The following SEMA6D variants were observed in gnomAD, a reference collection of about 807,000 sequenced individuals.
SEMA6D encodes semaphorin 6D.
In SEMA6D, 35 loss-of-function variants were observed where a neutral mutation model predicts 106.6. The observed-to-expected ratio is 0.33, with a 90% CI of 0.25 to 0.44. The LOEUF is 0.44. Among genes scored for constraint, SEMA6D ranks in the 20% least tolerant of loss-of-function variants. The probability of loss-of-function intolerance (pLI) is 1.00; values close to 1 mark genes in which losing one functional copy is unlikely to be tolerated. For synonymous variants in SEMA6D, 499 were observed against 487.7 expected (o/e 1.02, Z -0.31); for missense variants, 1,185 against 1,345.9 (o/e 0.88, Z 1.87).
At position 47,732,834 on chromosome 15, in the gene SEMA6D, A is replaced by C. The variant is rs117469894; in HGVS notation, c.-55+15142A>C. 5.9e-3 allele frequency among the ~76,000 whole-genome samples: 897 copies of C among 152,340 alleles called. 6 individuals are homozygous for C. Among genetic ancestry groups the C allele is most frequent in the Admixed American group, 0.02 (312 of 15,302 alleles). On this transcript the variant is annotated intron_variant, in intron 1 of 18. Transcript: ENST00000536845. ...GACACTGCAAGAAAATGCTACAAAA[A>C]TGTAGGCAGGATTCATAAAACGACT...
intron 2 of SEMA6D, among the ~76,000 whole-genome samples, chr15:47,455,464 G>A (rs924164678): frequency 6.6e-6 from 1 of 151,918 alleles, no homozygotes; most frequent in Non-Finnish European, 1.5e-5. Context: ...TCCACACTAG[G>A]TGATAGGAAT....
intron 1 of SEMA6D, among the ~76,000 whole-genome samples, chr15:47,365,993 T>C (rs2039015182): frequency 6.6e-6 from 1 of 152,168 alleles, no homozygotes; most frequent in African/African-American, 2.4e-5. Flanking sequence ...ACCACGTTTT[T>C]TTCCAGAGCA....
intron 3 of SEMA6D, among the ~76,000 whole-genome samples, chr15:47,491,517 G>T (rs956383489): frequency 3.9e-5 from 6 of 152,106 alleles, no homozygotes; most frequent in African/African-American, 1.4e-4. Flanking sequence ...AAAAATAAGG[G>T]AACTATAAAT....
chr15:47,333,668 A>G (rs1029374144), intron 1 of SEMA6D, among the ~76,000 whole-genome samples: 1 of 152,186 alleles, frequency 6.6e-6, no homozygotes, highest in African/African-American at 2.4e-5. Flanking sequence ...GCACTATTCT[A>G]GTTGCTGGAG....
At chr15:47,210,307 G>T (rs1895397545) in intron 1 of SEMA6D, among the ~76,000 whole-genome samples, 1 of 152,036 alleles carries the variant, frequency 6.6e-6, no homozygotes, top group African/African-American at 2.4e-5. Context: ...AAGAAGGTGG[G>T]GTTTCTGGAA....
chr15:47,455,586 A>G (rs1456068665), intron 2 of SEMA6D, among the ~76,000 whole-genome samples: 1 of 151,914 alleles, frequency 6.6e-6, no homozygotes, highest in African/African-American at 2.4e-5. Context: ...GAATCTCTCC[A>G]GGATTTAAAT....
intron 2 of SEMA6D, among the ~76,000 whole-genome samples, chr15:47,439,550 A>T (rs1460587242): frequency 6.6e-6 from 1 of 152,112 alleles, no homozygotes; most frequent in Non-Finnish European, 1.5e-5. Flanking sequence ...TGATGATATG[A>T]TCTGCACAAT....
chr15:47,421,532 T>C (rs985286735), intron 2 of SEMA6D, among the ~76,000 whole-genome samples: 2 of 152,234 alleles, frequency 1.3e-5, no homozygotes, highest in Non-Finnish European at 2.9e-5. Flanking sequence ...TTAATTTTAA[T>C]GCTTTGTTTT....
chr15:47,268,511 G>A (rs2034422262), intron 1 of SEMA6D, among the ~76,000 whole-genome samples: 1 of 152,122 alleles, frequency 6.6e-6, no homozygotes, highest in South Asian at 2.1e-4. Context: ...AGCTGTAAAT[G>A]GTAGTAGTGG....
chr15:47,426,631 T>C (rs1747027241), intron 2 of SEMA6D, among the ~76,000 whole-genome samples: 1 of 152,054 alleles, frequency 6.6e-6, no homozygotes, highest in Admixed American at 6.6e-5. Flanking sequence ...GGTCTTTTAT[T>C]TACATTTTCA....
intron 3 of SEMA6D, among the ~76,000 whole-genome samples, chr15:47,474,963 TAG>T (rs1244362331): frequency 6.6e-6 from 1 of 152,204 alleles, no homozygotes; most frequent in African/African-American, 2.4e-5. Context: ...TACAGGGTGA[TAG>T]AGTCTCCTTC....
At chr15:47,433,050 T>C (rs1035812025) in intron 2 of SEMA6D, among the ~76,000 whole-genome samples, 5 of 152,082 alleles carry the variant, frequency 3.3e-5, no homozygotes, top group Non-Finnish European at 5.9e-5. Context: ...TCCTGAGGCT[T>C]TGTGGCAGAC....
chr15:47,260,300 A>G (rs2034009384), intron 1 of SEMA6D, among the ~76,000 whole-genome samples: 1 of 152,092 alleles, frequency 6.6e-6, no homozygotes, highest in African/African-American at 2.4e-5. Flanking sequence ...TATGTTAGAA[A>G]GCTCTGCATC....
chr15:47,498,716 C>T (rs980975093), intron 3 of SEMA6D, among the ~76,000 whole-genome samples: 4 of 152,076 alleles, frequency 2.6e-5, no homozygotes, highest in South Asian at 2.1e-4. Context: ...CTTGGAGGGG[C>T]GCTGGAGAAC....
At chr15:47,200,343 T>C (rs1566921780) in intron 1 of SEMA6D, among the ~76,000 whole-genome samples, 1 of 152,100 alleles carries the variant, frequency 6.6e-6, no homozygotes, top group Non-Finnish European at 1.5e-5. Flanking sequence ...GGAAACAAGG[T>C]ACAACTAATC....
At chr15:47,226,580 T>A (rs575296476) in intron 1 of SEMA6D, among the ~76,000 whole-genome samples, 1 of 152,228 alleles carries the variant, frequency 6.6e-6, no homozygotes, top group Non-Finnish European at 1.5e-5. Context: ...TTTCTGCTTT[T>A]CAAATCCATA....
intron 1 of SEMA6D, among the ~76,000 whole-genome samples, chr15:47,400,698 T>C (rs1451345179): frequency 1.3e-5 from 2 of 152,176 alleles, no homozygotes; most frequent in African/African-American, 4.8e-5. Context: ...GAACCTACTC[T>C]TCGAAGGATA....
intron 4 of SEMA6D, among the ~76,000 whole-genome samples, chr15:47,708,931 C>T (rs560717197): frequency 2.6e-5 from 4 of 152,316 alleles, no homozygotes; most frequent in Middle Eastern, 3.4e-3. Context: ...CCACATAGTG[C>T]TCTATAAGAA....
intron 1 of SEMA6D, among the ~76,000 whole-genome samples, chr15:47,291,360 C>T (rs975185094): frequency 1.1e-4 from 17 of 152,200 alleles, no homozygotes; most frequent in Non-Finnish European, 1.8e-4. Context: ...CTCTACCTCC[C>T]TCCCTCACGT....
Sources: allele counts gnomAD v4.1 joint callset (sites outside exome capture counted in the v4.1 genomes callset), GRCh38; gene constraint gnomAD v4.1.1; transcripts MANE v1.5; gene names NCBI Gene and HGNC (gene_info 2026-07-23, HGNC 2026-07-21).